The following VTI1A variants were observed in gnomAD, a reference collection of about 807,000 sequenced individuals.
VTI1A encodes vesicle transport through interaction with t-SNAREs homolog 1A.
In VTI1A, 22 loss-of-function variants were observed where a neutral mutation model predicts 34.9. That is an observed-to-expected ratio of 0.63 (90% CI 0.45 to 0.90). The LOEUF (loss-of-function observed/expected upper bound fraction) is 0.90. Ranked by LOEUF, VTI1A falls within the 40% of genes least tolerant of loss-of-function variation. VTI1A has a pLI of 0.00. For missense variants in VTI1A, 268 were observed against 275.6 expected, an observed-to-expected ratio of 0.97 and a Z score of 0.20; for synonymous variants, 87 against 97.3, an observed-to-expected ratio of 0.89 and a Z score of 0.62.
chr10:112,542,968 G>A (rs1850925844), intron 5 of VTI1A, among the ~76,000 whole-genome samples: 1 of 152,148 alleles, frequency 6.6e-6, no homozygotes, highest in African/African-American at 2.4e-5. Context: ...GAGAATGATG[G>A]TTTCAAGCTT....
At chr10:112,747,183 T>C (rs191398532) in intron 7 of VTI1A, among the ~76,000 whole-genome samples, 41 of 152,318 alleles carry the variant, frequency 2.7e-4, no homozygotes, top group African/African-American at 9.1e-4. Flanking sequence ...ACACTTCCCA[T>C]AAATGGGGAA....
At chr10:112,669,325 T>G (rs1484601499) in intron 7 of VTI1A, among the ~76,000 whole-genome samples, 2 of 152,180 alleles carry the variant, frequency 1.3e-5, no homozygotes, top group Admixed American at 6.5e-5. Flanking sequence ...TTCGATGGCC[T>G]TCTTCTTATG....
chr10:112,493,729 T>C lies in VTI1A; in HGVS notation c.264+29072T>C, dbSNP rs547818653. ...ATTTCATTCTGTTGAGATGGTCATG[T>C]TGTTTTTGCCCTTTATTGTGTTAAT... On this transcript the variant is annotated intron_variant, in intron 3 of 7. Coordinates refer to ENST00000393077, the MANE Select transcript of VTI1A (RefSeq NM_145206.4). Among the ~76,000 whole-genome samples, 15 of 152,312 alleles carry C rather than the reference T, an allele frequency of 9.8e-5. No individual in the cohort carries two copies. The Middle Eastern group carries it at 0.01, about 104-fold the overall frequency.
chr10:112,737,666 G>A, intron 7 of VTI1A: 4 of 1,053,658 alleles, frequency 3.8e-6, no homozygotes, highest in Non-Finnish European at 4.6e-6. Context: ...TAGAACAAGA[G>A]CACTCCATCC....
chr10:112,550,219 GA>G (rs1188583690), intron 5 of VTI1A, among the ~76,000 whole-genome samples: 1 of 152,178 alleles, frequency 6.6e-6, no homozygotes, highest in Non-Finnish European at 1.5e-5. Flanking sequence ...AGCAGATTGT[GA>G]AAATGACAGT....
At chr10:112,451,937 G>C (rs186023463) in intron 1 of VTI1A, among the ~76,000 whole-genome samples, 2 of 152,286 alleles carry the variant, frequency 1.3e-5, no homozygotes, top group Non-Finnish European at 2.9e-5. Context: ...ATGCAATTAC[G>C]TATTATTGAA....
chr10:112,797,941 G>A (rs1023492550), intron 7 of VTI1A, among the ~76,000 whole-genome samples: 1 of 152,290 alleles, frequency 6.6e-6, no homozygotes, highest in South Asian at 2.1e-4. Flanking sequence ...TTTCAGCTAC[G>A]TGAGTCAGTA....
chr10:112,697,185 T>C (rs972352882), intron 7 of VTI1A, among the ~76,000 whole-genome samples: 7 of 151,608 alleles, frequency 4.6e-5, no homozygotes, highest in African/African-American at 1.7e-4. Flanking sequence ...TCTTTTGCTT[T>C]TCTTCTGTTC....
chr10:112,828,652 G>A, the VTI1A span, among the ~76,000 whole-genome samples: 4 of 151,874 alleles, frequency 2.6e-5, no homozygotes, highest in African/African-American at 4.8e-5. Flanking sequence ...TGATCAACCC[G>A]CCTCAGCCTC....
chr10:112,603,293 C>T (rs986715772), intron 5 of VTI1A, among the ~76,000 whole-genome samples: 8 of 152,198 alleles, frequency 5.3e-5, no homozygotes, highest in Admixed American at 1.3e-4. Flanking sequence ...AGATAAGAGC[C>T]TGTTCCCTTC....
chr10:112,512,429 C>T (rs190604557), intron 3 of VTI1A, among the ~76,000 whole-genome samples: 89 of 152,050 alleles, frequency 5.9e-4, no homozygotes, highest in Non-Finnish European at 9.1e-4. Context: ...TGTTTGAGTT[C>T]CTTATATATT....
rs183540233 is a variant in VTI1A at position 112,482,685 on chromosome 10, A to G, written c.264+18028A>G. Among the ~76,000 whole-genome samples the G allele has an allele frequency of 1.5e-3, 229 of 152,262 alleles. 1 individual carries two copies. Among genetic ancestry groups the G allele is most frequent in the African/African-American group, 4.9e-3 (205 of 41,560 alleles). On this transcript the variant is annotated intron_variant, in intron 3 of 7. Coordinates refer to ENST00000393077, the MANE Select transcript of VTI1A (RefSeq NM_145206.4). ...CAGTAAAATTCAAAATGCGAACTGT[A>G]TTTTTAAAATATTAGCAAGCAATAT...
At chr10:112,647,144 G>T (rs1000969430) in intron 5 of VTI1A, among the ~76,000 whole-genome samples, 2 of 152,156 alleles carry the variant, frequency 1.3e-5, no homozygotes, top group African/African-American at 4.8e-5. Flanking sequence ...TGGGATAAAT[G>T]AAAGTTACTT....
chr10:112,599,612 A>C (rs973753510), intron 5 of VTI1A, among the ~76,000 whole-genome samples: 3 of 151,898 alleles, frequency 2.0e-5, no homozygotes, highest in African/African-American at 7.2e-5. Context: ...ACAGAGTCTC[A>C]CCTGTCTTCC....
At chr10:112,515,274 A>G (rs551775067) in intron 3 of VTI1A, among the ~76,000 whole-genome samples, 2 of 152,216 alleles carry the variant, frequency 1.3e-5, no homozygotes, top group South Asian at 4.1e-4. Context: ...GCTTATAGAA[A>G]GGGAACAGGA....
intron 7 of VTI1A, among the ~76,000 whole-genome samples, chr10:112,793,453 T>C (rs2134060563): frequency 6.6e-6 from 1 of 152,358 alleles, no homozygotes; most frequent in East Asian, 1.9e-4. Context: ...CAAGGTTCTA[T>C]ACATTGGGTA....
intron 3 of VTI1A, among the ~76,000 whole-genome samples, chr10:112,517,532 A>G (rs1462772668): frequency 6.6e-6 from 1 of 152,108 alleles, no homozygotes; most frequent in Non-Finnish European, 1.5e-5. Flanking sequence ...AGTGAGTACA[A>G]CATGAAAAGA....
chr10:112,842,833 G>T, the VTI1A span, among the ~76,000 whole-genome samples: 1 of 152,322 alleles, frequency 6.6e-6, no homozygotes, highest in African/African-American at 2.4e-5. Context: ...TGGAACTGTA[G>T]CTGTCAGGGG....
intron 5 of VTI1A, among the ~76,000 whole-genome samples, chr10:112,623,959 A>G (rs955273307): frequency 2.6e-5 from 4 of 152,224 alleles, no homozygotes; most frequent in African/African-American, 9.6e-5. Context: ...TTGTAGCAGC[A>G]GATCTATTTG....
Sources: allele counts gnomAD v4.1 joint callset (sites outside exome capture counted in the v4.1 genomes callset), GRCh38; gene constraint gnomAD v4.1.1; transcripts MANE v1.5; gene names NCBI Gene and HGNC (gene_info 2026-07-23, HGNC 2026-07-21).